The following SPAG16 variants were observed in gnomAD, a reference collection of about 807,000 sequenced individuals.
SPAG16 encodes the protein sperm associated antigen 16, also known as sperm-associated antigen 16 protein.
In SPAG16, 86 loss-of-function variants were observed where a neutral mutation model predicts 80.4. That is an observed-to-expected ratio of 1.07 (90% CI 0.90 to 1.28). The LOEUF (loss-of-function observed/expected upper bound fraction) is 1.28, where lower values mean the gene tolerates loss of function less well. Ranked by LOEUF, SPAG16 falls within the 50% of genes most tolerant of loss-of-function variation. The pLI, the probability that SPAG16 is intolerant of heterozygous loss-of-function variation, is 0.00. For synonymous variants in SPAG16, 294 were observed against 265.9 expected, an observed-to-expected ratio of 1.11 and a Z score of -1.03; for missense variants, 870 against 765.3, an observed-to-expected ratio of 1.14 and a Z score of -1.61.
intron 13 of SPAG16, among the ~76,000 whole-genome samples, chr2:214,024,737 C>T (rs958446213): frequency 6.6e-5 from 10 of 151,526 alleles, no homozygotes; most frequent in Admixed American, 6.6e-4. Flanking sequence ...AAAGGAAAAG[C>T]ATGCATCTAC....
chr2:214,173,438 T>C (rs985272504), intron 15 of SPAG16, among the ~76,000 whole-genome samples: 3 of 152,172 alleles, frequency 2.0e-5, no homozygotes, highest in African/African-American at 7.2e-5. Flanking sequence ...GAGGGCTCTG[T>C]TCTGTTCCAT....
At chr2:214,212,832 G>T (rs905380508) in intron 15 of SPAG16, among the ~76,000 whole-genome samples, 6 of 152,228 alleles carry the variant, frequency 3.9e-5, no homozygotes, top group Admixed American at 2.0e-4. Flanking sequence ...TGAAGATTCA[G>T]TTTCAGGACC....
At chr2:214,022,052 A>C (rs538149200) in intron 13 of SPAG16, among the ~76,000 whole-genome samples, 114 of 152,272 alleles carry the variant, frequency 7.5e-4, no homozygotes, top group South Asian at 3.1e-3. Flanking sequence ...CCCAAGAGGC[A>C]ACCAAGAGAA....
intron 12 of SPAG16, among the ~76,000 whole-genome samples, chr2:213,963,461 A>G (rs191636876): frequency 5.4e-4 from 82 of 152,250 alleles, no homozygotes; most frequent in Non-Finnish European, 1.0e-3. Context: ...ATGGCCCACT[A>G]TACGATTTAT....
chr2:213,758,222 A>C (rs1279437923), intron 10 of SPAG16: 3 of 153,218 alleles, frequency 2.0e-5, no homozygotes, highest in African/African-American at 7.2e-5. Context: ...ATAAAAAGCA[A>C]AATCATTGAC....
intron 9 of SPAG16, among the ~76,000 whole-genome samples, chr2:213,420,133 T>C (rs1425198906): frequency 6.6e-6 from 1 of 152,240 alleles, no homozygotes; most frequent in African/African-American, 2.4e-5. Context: ...TTGCCTAGCA[T>C]GTGACATATC....
intron 15 of SPAG16, among the ~76,000 whole-genome samples, chr2:214,319,502 GAAAAAA>G (rs3044978): frequency 1.4e-5 from 2 of 145,840 alleles, no homozygotes; most frequent in African/African-American, 5.1e-5. Flanking sequence ...AGATCCACTG[GAAAAAA>G]AAAAAAAAAA....
chr2:214,212,894 C>T (rs987873792), intron 15 of SPAG16, among the ~76,000 whole-genome samples: 1 of 152,228 alleles, frequency 6.6e-6, no homozygotes, highest in Non-Finnish European at 1.5e-5. Flanking sequence ...GTGCACAGCA[C>T]ACTAGAACAT....
rs559914938 is a variant in SPAG16, at chr2:214,248,041, CA to C, written c.1720+98777del. Among the ~76,000 whole-genome samples, 559 of 151,612 alleles carry C rather than the reference CA, an allele frequency of 3.7e-3. 3 individuals carry two copies. The highest frequency in any genetic ancestry group is 0.013 in the African/African-American group (541 of 41,348). ...TCCGTGTCTCAAAAGAAAAAAAAAT[CA>C]ACAAGAAATCATAGAAGTTAAATTT... On this transcript the variant is annotated intron_variant, in intron 15 of 15. Coordinates refer to ENST00000331683, the MANE Select transcript of SPAG16 (RefSeq NM_024532.5).
chr2:214,070,518 T>G (rs868669680), intron 13 of SPAG16, among the ~76,000 whole-genome samples: 45 of 151,858 alleles, frequency 3.0e-4, no homozygotes, highest in African/African-American at 1.0e-3. Context: ...CAAAAGCAAT[T>G]TTTTTTCTAG....
chr2:213,535,265 A>G (rs1401669663), intron 10 of SPAG16, among the ~76,000 whole-genome samples: 1 of 152,148 alleles, frequency 6.6e-6, no homozygotes, highest in Non-Finnish European at 1.5e-5. Flanking sequence ...TCATCTATAA[A>G]TGATCTGGAA....
intron 11 of SPAG16, among the ~76,000 whole-genome samples, chr2:213,893,920 A>G (rs2076889930): frequency 6.6e-6 from 1 of 152,196 alleles, no homozygotes; most frequent in Non-Finnish European, 1.5e-5. Flanking sequence ...CACTGAATGT[A>G]AATGAACTTA....
In SPAG16 at chr2:213,871,480, G is replaced by T. The variant is rs555882055; in HGVS notation, c.1214+8852G>T. Reference sequence around the variant, plus strand: ...GCTGGAGAGTGAAATGTCCAAAGGGGATTTGAAGCACACTGACATATTTCT... The same window carrying T: ...GCTGGAGAGTGAAATGTCCAAAGGGTATTTGAAGCACACTGACATATTTCT... On this transcript the variant is annotated intron_variant, in intron 11 of 15. Transcript: ENST00000331683. Among the ~76,000 whole-genome samples the T allele has an allele frequency of 2.3e-4, 35 of 152,048 alleles. No individual in the cohort carries two copies. In the Middle Eastern group the frequency reaches 0.01, roughly 44 times the overall value.
intron 6 of SPAG16, among the ~76,000 whole-genome samples, chr2:213,344,174 C>A (rs1293103206): frequency 3.9e-5 from 6 of 152,130 alleles, no homozygotes; most frequent in Admixed American, 3.3e-4. Flanking sequence ...TTCCCCAGTA[C>A]ATAGTCACTC....
intron 5 of SPAG16, among the ~76,000 whole-genome samples, chr2:213,327,075 G>T (rs568642365): frequency 6.6e-6 from 1 of 151,226 alleles, no homozygotes; most frequent in African/African-American, 2.4e-5. Context: ...TGTGCAAATT[G>T]TTTTCTTTAT....
intron 11 of SPAG16, among the ~76,000 whole-genome samples, chr2:213,870,584 C>A (rs1268596951): frequency 1.3e-5 from 2 of 152,132 alleles, no homozygotes; most frequent in Non-Finnish European, 2.9e-5. Context: ...CCCAGCACCT[C>A]AGTTGCTCAT....
chr2:213,618,019 A>G (rs900086839), intron 10 of SPAG16, among the ~76,000 whole-genome samples: 4 of 152,164 alleles, frequency 2.6e-5, no homozygotes, highest in African/African-American at 9.7e-5. Context: ...TGTAGCCCCT[A>G]GTTATTGAAT....
At chr2:213,612,381 A>G (rs1158335273) in intron 10 of SPAG16, among the ~76,000 whole-genome samples, 1 of 152,206 alleles carries the variant, frequency 6.6e-6, no homozygotes, top group Non-Finnish European at 1.5e-5. Context: ...TCAGAATTAT[A>G]TCTTCTTTAA....
intron 10 of SPAG16, among the ~76,000 whole-genome samples, chr2:213,535,256 C>A (rs957625670): frequency 2.6e-5 from 4 of 152,008 alleles, no homozygotes; most frequent in African/African-American, 9.7e-5. Flanking sequence ...AAACATCAAT[C>A]ATCTATAAAT....
Sources: gnomAD v4.1 joint callset for allele counts (sites outside exome capture counted in the v4.1 genomes callset) on GRCh38, gnomAD v4.1.1 for gene constraint, MANE v1.5 for transcripts, NCBI Gene and HGNC (gene_info 2026-07-23, HGNC 2026-07-21) for gene names.